MIPEP: variants seen among roughly 807,000 people sequenced by gnomAD.
MIPEP encodes mitochondrial intermediate peptidase.
Under a neutral mutation model 90.3 loss-of-function variants are expected in MIPEP, and 79 were observed. The ratio of observed to expected loss-of-function variants is 0.87; its 90% CI spans 0.73 to 1.05. The LOEUF is 1.05. Among genes scored for constraint, MIPEP ranks in the 50% least tolerant of loss-of-function variants. The pLI is 0.00. For synonymous variants in MIPEP, 334 were observed against 315.8 expected, an observed-to-expected ratio of 1.06 and a Z score of -0.61; for missense variants, 940 against 905.6, an observed-to-expected ratio of 1.04 and a Z score of -0.49.
chr13:23,876,348 A>G (rs976821628), intron 4 of MIPEP, among the ~76,000 whole-genome samples: 1 of 152,162 alleles, frequency 6.6e-6, no homozygotes, highest in Admixed American at 6.5e-5. Context: ...ATCTCATATG[A>G]TTCTTATGAA....
chr13:23,880,311 G>A (rs1018839243), intron 3 of MIPEP, among the ~76,000 whole-genome samples: 2 of 152,162 alleles, frequency 1.3e-5, no homozygotes, highest in African/African-American at 4.8e-5. Context: ...GTCAGGGAGA[G>A]AGTGAGTGTG....
intron 18 of MIPEP, among the ~76,000 whole-genome samples, chr13:23,733,040 G>A (rs1483248155): frequency 5.3e-5 from 8 of 152,336 alleles, no homozygotes; most frequent in South Asian, 2.1e-4. Context: ...ATACGGAGAT[G>A]AAGAGATGTA....
At chr13:23,812,636 GC>G (rs1300949442) in intron 14 of MIPEP, among the ~76,000 whole-genome samples, 1 of 151,912 alleles carries the variant, frequency 6.6e-6, no homozygotes, top group African/African-American at 2.4e-5. Flanking sequence ...CTGCCATTAG[GC>G]TTTCTTCCCT....
At chr13:23,850,300 G>A (rs1369736058) in intron 10 of MIPEP, among the ~76,000 whole-genome samples, 2 of 152,136 alleles carry the variant, frequency 1.3e-5, no homozygotes, top group Non-Finnish European at 2.9e-5. Context: ...CACAGGGAGA[G>A]CTACTGTTTT....
Position 23,775,127 on chromosome 13 carries a change from G to C in MIPEP, c.1849-14910C>G, listed in dbSNP as rs57814974. Reference sequence around the variant, plus strand: ...CAGTTCTCTGTGTGTGTGTGTGTGTGTGTGTGTGTGTGTGTGTGTGTGTGT... The same window carrying C: ...CAGTTCTCTGTGTGTGTGTGTGTGTCTGTGTGTGTGTGTGTGTGTGTGTGT... On this transcript the variant is annotated intron_variant, in intron 16 of 18. Coordinates refer to ENST00000382172, the MANE Select transcript of MIPEP (RefSeq NM_005932.4). Among the ~76,000 whole-genome samples, 190 of 23,840 alleles carry C rather than the reference G, an allele frequency of 8.0e-3. 1 individual carries two copies. Among genetic ancestry groups the C allele is most frequent in the African/African-American group, 0.018 (179 of 10,006 alleles). The allele number at this position is 23,840 out of a possible 152,430, so 15.6% of individuals were successfully genotyped here.
chr13:23,847,215 A>C (rs1869583407), intron 10 of MIPEP, among the ~76,000 whole-genome samples: 1 of 152,206 alleles, frequency 6.6e-6, no homozygotes, highest in South Asian at 2.1e-4. Flanking sequence ...ATTTCCCAAA[A>C]TGCTTTCAAG....
chr13:23,850,389 G>A (rs1208046968), intron 10 of MIPEP, among the ~76,000 whole-genome samples: 1 of 152,130 alleles, frequency 6.6e-6, no homozygotes, highest in African/African-American at 2.4e-5. Context: ...TAACTATATA[G>A]AACTGAAAAG....
At chr13:23,871,494 A>G (rs1870806540) in intron 5 of MIPEP, among the ~76,000 whole-genome samples, 2 of 152,216 alleles carry the variant, frequency 1.3e-5, no homozygotes, top group African/African-American at 2.4e-5. Context: ...CCAAAAAACT[A>G]GACAGGCTCC....
intron 14 of MIPEP, among the ~76,000 whole-genome samples, chr13:23,829,507 A>C (rs1022052335): frequency 3.9e-5 from 6 of 152,206 alleles, no homozygotes; most frequent in African/African-American, 1.2e-4. Flanking sequence ...GTGAAAACAC[A>C]AGCCATAAAC....
At chr13:23,854,509 G>C (rs114903729) in intron 10 of MIPEP, among the ~76,000 whole-genome samples, 1 of 152,074 alleles carries the variant, frequency 6.6e-6, no homozygotes, top group Non-Finnish European at 1.5e-5. Flanking sequence ...ATTTCATTAT[G>C]TGAATGCGCT....
intron 5 of MIPEP, among the ~76,000 whole-genome samples, chr13:23,873,387 G>A (rs1473883100): frequency 6.6e-6 from 1 of 152,202 alleles, no homozygotes; most frequent in African/African-American, 2.4e-5. Flanking sequence ...CACAGACGGG[G>A]AAGACTGACC....
At chr13:23,734,952 G>A (rs1369417574) in intron 18 of MIPEP, among the ~76,000 whole-genome samples, 2 of 152,162 alleles carry the variant, frequency 1.3e-5, no homozygotes, top group Non-Finnish European at 2.9e-5. Flanking sequence ...CCAGTTACCC[G>A]ATATCCAAAT....
At chr13:23,805,887 A>C in intron 16 of MIPEP, 63 bp downstream of exon 16, 1 of 1,548,972 alleles carries the variant, frequency 6.5e-7, no homozygotes, top group Non-Finnish European at 8.8e-7. Context: ...AGATAATCAC[A>C]AGCTACAGAA....
At chr13:23,804,501 C>G (rs1211491735) in intron 16 of MIPEP, among the ~76,000 whole-genome samples, 1 of 152,086 alleles carries the variant, frequency 6.6e-6, no homozygotes, top group African/African-American at 2.4e-5. Context: ...ATTCTTATCA[C>G]TATAAATTTT....
chr13:23,746,162 A>G (rs1952381188), intron 18 of MIPEP, among the ~76,000 whole-genome samples: 1 of 150,654 alleles, frequency 6.6e-6, no homozygotes. Context: ...CTATACGTAC[A>G]TGGACCACAG....
rs972619038 is a variant in MIPEP at position 23,828,197 on chromosome 13, A to G, written c.1653+8043T>C. Reference sequence around the variant, plus strand: ...GATAGAAAGGAATTTCCTTTTCCTGATATCTCCAACAAACCTATAACAAAC... The same window carrying G: ...GATAGAAAGGAATTTCCTTTTCCTGGTATCTCCAACAAACCTATAACAAAC... On this transcript the variant is annotated intron_variant, in intron 14 of 18. Transcript: ENST00000382172. 5.9e-5 allele frequency among the ~76,000 whole-genome samples: 9 copies of G among 152,368 alleles called. 1 individual carries two copies. The highest frequency in any genetic ancestry group is 2.2e-4 in the African/African-American group (9 of 41,586).
At chr13:23,822,971 C>A (rs1209683239) in intron 14 of MIPEP, among the ~76,000 whole-genome samples, 2 of 151,802 alleles carry the variant, frequency 1.3e-5, no homozygotes, top group African/African-American at 2.4e-5. Context: ...CTGCAACCTC[C>A]GCTGGGCGCT....
intron 16 of MIPEP, among the ~76,000 whole-genome samples, chr13:23,769,733 G>T (rs1197229551): frequency 6.6e-6 from 1 of 152,184 alleles, no homozygotes; most frequent in Non-Finnish European, 1.5e-5. Context: ...GGACAAATGG[G>T]ACAATTTGAT....
At chr13:23,831,389 G>GGGGGT (rs1566009699) in intron 14 of MIPEP, among the ~76,000 whole-genome samples, 1 of 144,558 alleles carries the variant, frequency 6.9e-6, no homozygotes, top group East Asian at 2.1e-4. Flanking sequence ...ATGGCGGGGG[G>GGGGGT]GGGATGTGGA....
Sources: allele counts gnomAD v4.1 joint callset (sites outside exome capture counted in the v4.1 genomes callset), GRCh38; gene constraint gnomAD v4.1.1; transcripts MANE v1.5; gene names NCBI Gene and HGNC (gene_info 2026-07-23, HGNC 2026-07-21).